Variants in ARB2A observed in about 807,000 individuals in gnomAD.
The protein encoded by ARB2A is ARB2 cotranscriptional regulator A, also known as cotranscriptional regulator ARB2A.
At chr5:93,830,459 T>C in the ARB2A span, among the ~76,000 whole-genome samples, 2 of 151,310 alleles carry the variant, frequency 1.3e-5, no homozygotes, top group East Asian at 3.9e-4. Flanking sequence ...TTAGAGGTAT[T>C]AACACATAAA....
chr5:94,075,330 T>G, the ARB2A span, among the ~76,000 whole-genome samples: 6 of 152,058 alleles, frequency 3.9e-5, no homozygotes, highest in Non-Finnish European at 8.8e-5. Context: ...AACGATGTCA[T>G]CAGTGTCTGG....
chr5:94,012,519 C>T, the ARB2A span, among the ~76,000 whole-genome samples: 4 of 152,198 alleles, frequency 2.6e-5, no homozygotes, highest in Non-Finnish European at 5.9e-5. Flanking sequence ...CATGCCCAGG[C>T]TAAGTTGCTG....
At chr5:93,731,364 C>A in the ARB2A span, among the ~76,000 whole-genome samples, 3 of 152,084 alleles carry the variant, frequency 2.0e-5, no homozygotes, top group Non-Finnish European at 4.4e-5. Flanking sequence ...AGAATACAGC[C>A]ATTTACAAGC....
chr5:93,868,112 G>A, the ARB2A span, among the ~76,000 whole-genome samples: 5 of 152,150 alleles, frequency 3.3e-5, no homozygotes, highest in African/African-American at 9.7e-5. Flanking sequence ...TTGAGCCCAG[G>A]AGTTTGAGGC....
At chr5:93,779,247 T>G in the ARB2A span, among the ~76,000 whole-genome samples, 1 of 152,194 alleles carries the variant, frequency 6.6e-6, no homozygotes, top group Non-Finnish European at 1.5e-5. Context: ...AATAAACATA[T>G]GCAAAGAAAG....
At chr5:93,973,277 A>G in the ARB2A span, among the ~76,000 whole-genome samples, 1 of 151,712 alleles carries the variant, frequency 6.6e-6, no homozygotes, top group East Asian at 2.0e-4. Flanking sequence ...TCAAACTACA[A>G]TTGAAAGTCT....
At chr5:93,983,050 C>T in the ARB2A span, among the ~76,000 whole-genome samples, 50 of 151,890 alleles carry the variant, frequency 3.3e-4, 1 homozygote, top group Admixed American at 3.0e-3. Flanking sequence ...AGTGAGACTC[C>T]GATACACACC....
the ARB2A span, among the ~76,000 whole-genome samples, chr5:93,772,877 A>G: frequency 9.9e-5 from 15 of 152,228 alleles, no homozygotes; most frequent in Non-Finnish European, 2.1e-4. Flanking sequence ...GAGGTCTGCC[A>G]TCATTCACTG....
the ARB2A span, among the ~76,000 whole-genome samples, chr5:93,937,289 G>A: frequency 6.6e-6 from 1 of 151,802 alleles, no homozygotes; most frequent in Non-Finnish European, 1.5e-5. Context: ...GGGGGGAGGA[G>A]GAGGGTTAGA....
chr5:93,988,672 T>G, the ARB2A span, among the ~76,000 whole-genome samples: 1 of 152,190 alleles, frequency 6.6e-6, no homozygotes, highest in Admixed American at 6.5e-5. Flanking sequence ...TAAAGCCAAT[T>G]CATGTAATGG....
At chr5:93,846,248 A>T in the ARB2A span, among the ~76,000 whole-genome samples, 1 of 152,072 alleles carries the variant, frequency 6.6e-6, no homozygotes, top group Non-Finnish European at 1.5e-5. Context: ...TCATGCCTGT[A>T]ATCCCAGCCC....
chr5:93,917,628 A>T, the ARB2A span, among the ~76,000 whole-genome samples: 3 of 152,196 alleles, frequency 2.0e-5, no homozygotes, highest in Non-Finnish European at 2.9e-5. Context: ...CTGTAATCCC[A>T]GCACTTTGGA....
At chr5:93,948,202 A>C in the ARB2A span, among the ~76,000 whole-genome samples, 8 of 152,132 alleles carry the variant, frequency 5.3e-5, no homozygotes, top group African/African-American at 1.9e-4. Context: ...AATGATTGCC[A>C]TTCTAACTGG....
chr5:93,836,756 A>G, the ARB2A span, among the ~76,000 whole-genome samples: 3 of 152,216 alleles, frequency 2.0e-5, no homozygotes, highest in African/African-American at 4.8e-5. Flanking sequence ...TACTAAAAAC[A>G]TATTCAAAAT....
chr5:94,027,127 G>T, the ARB2A span, among the ~76,000 whole-genome samples: 1 of 152,184 alleles, frequency 6.6e-6, no homozygotes, highest in African/African-American at 2.4e-5. Context: ...AACATCCTTG[G>T]GGGTAATAAG....
chr5:93,933,196 T>G, the ARB2A span, among the ~76,000 whole-genome samples: 53 of 152,204 alleles, frequency 3.5e-4, no homozygotes, highest in Non-Finnish European at 4.1e-4. Context: ...ACTTTTAAAC[T>G]GTTGGTGGAA....
chr5:94,073,032 G>C, the ARB2A span, among the ~76,000 whole-genome samples: 5 of 152,078 alleles, frequency 3.3e-5, no homozygotes, highest in South Asian at 6.2e-4. Context: ...TTTTCAATTA[G>C]GGAAAAGTTA....
the ARB2A span, among the ~76,000 whole-genome samples, chr5:93,621,470 C>T: frequency 6.0e-4 from 92 of 152,336 alleles, no homozygotes; most frequent in Admixed American, 1.2e-3. Flanking sequence ...CGGATCTGTC[C>T]CGGGGTCGTC....
the ARB2A span, among the ~76,000 whole-genome samples, chr5:93,664,293 C>T: frequency 1.3e-5 from 2 of 151,982 alleles, no homozygotes; most frequent in African/African-American, 4.8e-5. Context: ...GTTGGTGAGG[C>T]TGGTCTCAAA....
Sources: allele counts gnomAD v4.1 joint callset (sites outside exome capture counted in the v4.1 genomes callset), GRCh38; gene constraint gnomAD v4.1.1; transcripts MANE v1.5; gene names NCBI Gene and HGNC (gene_info 2026-07-23, HGNC 2026-07-21).